COL11A2: variants seen among roughly 807,000 people sequenced by gnomAD.
COL11A2 encodes the protein collagen alpha-2(XI) chain.
A neutral mutation model predicts 273.4 loss-of-function variants in COL11A2; 116 were observed. The ratio of observed to expected loss-of-function variants is 0.42; its 90% CI spans 0.36 to 0.49. The LOEUF (loss-of-function observed/expected upper bound fraction) is 0.49, where lower values mean the gene tolerates loss of function less well. Among genes scored for constraint, COL11A2 ranks in the 20% least tolerant of loss-of-function variants. COL11A2 has a pLI of 0.00. For missense variants in COL11A2, 1,866 were observed against 2,309.0 expected (o/e 0.81, Z 3.93); for synonymous variants, 782 against 864.2 (o/e 0.90, Z 1.67).
rs2150588772 is a variant in COL11A2 at position 33,181,179 on chromosome 6, G to A, written c.1120-9C>T. ...CGGGGTCCATGGGCAGCCTGAAGGA[G>A]ACACACATGTAGCCCCCAGTGGGGC... is the stretch of plus-strand genomic sequence containing the variant. On this transcript the variant is annotated splice_polypyrimidine_tract_variant and intron_variant, in intron 8 of 65. Transcript: ENST00000341947. 1.9e-6 allele frequency: 3 copies of A among 1,614,144 alleles called. No individual in the cohort carries two copies. Among genetic ancestry groups the A allele is most frequent in the East Asian group, 4.5e-5 (2 of 44,878 alleles).
chr6:33,167,763 G>C lies in COL11A2; in HGVS notation c.4014+36C>G. The C allele has an allele frequency of 6.2e-7, 1 of 1,611,802 alleles. No individual in the cohort carries two copies. The highest frequency in any genetic ancestry group is 8.5e-7 in the Non-Finnish European group (1 of 1,179,334). On this transcript the variant is annotated intron_variant, in intron 55 of 65. Coordinates refer to ENST00000341947, the MANE Select transcript of COL11A2 (RefSeq NM_080680.3). This position sits in a 1 kb window ranked among gnomAD's most constrained non-coding sequence, Gnocchi z 6.1. ...AGGCATCTGAGGGGTGGGAGGCGGA[G>C]GGGATGCTCCAGCACTAGGGCAGCC...
At position 33,167,149 on chromosome 6, in the gene COL11A2, CT is replaced by C. The variant is rs1252890734; in HGVS notation, c.4177-27del. ...CTGTGGAGAGATGGGAAGTCATTCT[CT>C]TAAGGGAGAGGTGGGACCAAGTTCT... On this transcript the variant is annotated intron_variant, in intron 57 of 65. Transcript: ENST00000341947. The surrounding 1 kb of genome is among the most constrained non-coding windows in gnomAD (Gnocchi z 6.1). The C allele has an allele frequency of 6.2e-7, 1 of 1,614,134 alleles. No individual in the cohort carries two copies. The highest frequency in any genetic ancestry group is 8.5e-7 in the Non-Finnish European group (1 of 1,179,982).
In COL11A2 at chr6:33,173,575, G is replaced by C. The variant is rs1416270805; in HGVS notation, c.2629-20C>G. 1 of 1,047,194 alleles carries C rather than the reference G, an allele frequency of 9.5e-7. No individual in the cohort carries two copies. The highest frequency in any genetic ancestry group is 4.2e-5 in the East Asian group (1 of 23,952). 64.9% of individuals were successfully genotyped at this position (1,047,194 alleles called of 1,614,324 possible). A position where few individuals can be genotyped will look rare whatever the true frequency, so the allele number is the denominator to read the frequency against. ...GAGGCCCTAGAGACAGAGGTGGGGG[G>C]AGTCAGGAGAATGGGGGCAGGGGCT... On this transcript the variant is annotated intron_variant, in intron 35 of 65. Coordinates refer to ENST00000341947, the MANE Select transcript of COL11A2 (RefSeq NM_080680.3). This position sits in a 1 kb window ranked among gnomAD's most constrained non-coding sequence, Gnocchi z 6.3.
chr6:33,165,017 A>T lies in COL11A2; in HGVS notation c.4751-53T>A. ...GGGCCACCTAGGTCCAGGCTCCAAG[A>T]TGCTCTTTGCCCCCACATTCCCTCT... On this transcript the variant is annotated intron_variant, in intron 63 of 65. Transcript: ENST00000341947. This position sits in a 1 kb window ranked among gnomAD's most constrained non-coding sequence, Gnocchi z 7.7. The T allele has an allele frequency of 1.4e-6, 2 of 1,392,014 alleles. No homozygotes were observed. The highest frequency in any genetic ancestry group is 1.2e-5 in the South Asian group (1 of 80,572). 86.2% of individuals were successfully genotyped at this position (1,392,014 alleles called of 1,614,324 possible).
At position 33,164,151 on chromosome 6, in the gene COL11A2, C is replaced by T; in HGVS notation, c.5070+116G>A. 1 of 1,230,328 alleles carries T rather than the reference C, an allele frequency of 8.1e-7. No individual in the cohort carries two copies. The highest frequency in any genetic ancestry group is 1.1e-6 in the Non-Finnish European group (1 of 882,328). The allele number at this position is 1,230,328 out of a possible 1,614,324, so 76.2% of individuals were successfully genotyped here. A position where few individuals can be genotyped will look rare whatever the true frequency, so the allele number is the denominator to read the frequency against. On this transcript the variant is annotated intron_variant, in intron 65 of 65. Transcript: ENST00000341947. This position sits in a 1 kb window ranked among gnomAD's most constrained non-coding sequence, Gnocchi z 4.7. ...GCTCCCTCAGGCATCCCTGACAATC[C>T]AGCAGGACGGACTCCTCCCTGCTCC...
At chr6:33,171,898 CA>C in intron 41 of COL11A2, 78 bp from the exon 42 acceptor site, 1 of 1,560,322 alleles carries the variant, frequency 6.4e-7, no homozygotes, top group Non-Finnish European at 8.8e-7. Context: ...CCACAATTCC[CA>C]AAAGCTCCCA....
intron 8 of COL11A2, among the ~76,000 whole-genome samples, chr6:33,182,584 G>A (rs1287782140): frequency 1.3e-5 from 2 of 151,982 alleles, no homozygotes; most frequent in Non-Finnish European, 2.9e-5. Context: ...AGTGGCACAT[G>A]CCTGTAACCC....
Position 33,162,866 on chromosome 6 carries a change from G to A in COL11A2, c.*812C>T, listed in dbSNP as rs1768541734. ...CAATGAACATACTCAGTGGCTCAGG[G>A]CCATGGCAATTTACCAGCCAATATA... is the stretch of plus-strand genomic sequence containing the variant. On this transcript the variant is annotated 3_prime_UTR_variant, in exon 66 of 66. Transcript: ENST00000341947. This position sits in a 1 kb window ranked among gnomAD's most constrained non-coding sequence, Gnocchi z 4.9. The A allele has an allele frequency of 6.5e-6, 1 of 154,894 alleles. No homozygotes were observed. The highest frequency in any genetic ancestry group is 2.4e-5 in the African/African-American group (1 of 41,502). 9.6% of individuals were successfully genotyped at this position (154,894 alleles called of 1,614,324 possible).
In COL11A2 at chr6:33,171,424, C is replaced by T. The variant is rs371119086; in HGVS notation, c.3258+43G>A. 9 of 1,609,954 alleles carry T rather than the reference C, an allele frequency of 5.6e-6. No homozygotes were observed. In the East Asian group the frequency reaches 1.1e-4, roughly 20 times the overall value. ...GGGGTCATGCCCAGGTCAGCCATCTCATCTGGAAAGAAGATTGGTCGGGGT... is the reference window on the plus strand; with the variant it reads ...GGGGTCATGCCCAGGTCAGCCATCTTATCTGGAAAGAAGATTGGTCGGGGT... On this transcript the variant is annotated intron_variant, in intron 43 of 65. Coordinates refer to ENST00000341947, the MANE Select transcript of COL11A2 (RefSeq NM_080680.3).
chr6:33,168,537 TG>T lies in COL11A2; in HGVS notation c.3941del (p.Pro1314GlnfsTer31), dbSNP rs1223246567. On this transcript the variant is annotated frameshift_variant, in exon 54 of 66. Coordinates refer to ENST00000341947, the MANE Select transcript of COL11A2 (RefSeq NM_080680.3). LOFTEE classifies it high-confidence loss of function. ...CACTTACTCGCTTTCCAAGTGGCCC[TG>T]GGGGTCCATTCTCCCCGGTGGGACC... ...SPGPTGENGP[P>X]GPLGKRGPAG... 3 of 1,613,582 alleles carry T rather than the reference TG, an allele frequency of 1.9e-6. No individual in the cohort carries two copies. Among genetic ancestry groups the T allele is most frequent in the Non-Finnish European group, 2.5e-6 (3 of 1,179,910 alleles).
Position 33,189,375 on chromosome 6 carries a change from G to A in COL11A2, c.177C>T (p.Ala59=), listed in dbSNP as rs771659738. The A allele has an allele frequency of 3.1e-6, 5 of 1,613,214 alleles. No homozygotes were observed. The South Asian group carries it at 4.4e-5, about 14-fold the overall frequency. ...GCTGGGCAGGTCGTGCCACTCGGTA[G>A]GCCACATCAGCTGGACAGATGCCTT... ...RAKGICPADV[A]YRVARPAQLS... is the part of the protein sequence containing the mutation. The change falls in exon 2 of 66, where the codon GCC becomes GCT. Residue 59 remains alanine, a synonymous_variant. Transcript: ENST00000341947. This position sits in a 1 kb window ranked among gnomAD's most constrained non-coding sequence, Gnocchi z 5.6.
In COL11A2 at chr6:33,178,059, A is replaced by G; in HGVS notation, c.1872+73T>C. 6.9e-7 allele frequency: 1 copy of G among 1,442,832 alleles called. No homozygotes were observed. The highest frequency in any genetic ancestry group is 9.6e-7 in the Non-Finnish European group (1 of 1,042,422). The allele number at this position is 1,442,832 out of a possible 1,614,324, so 89.4% of individuals were successfully genotyped here. A position where few individuals can be genotyped will look rare whatever the true frequency, so the allele number is the denominator to read the frequency against. On this transcript the variant is annotated intron_variant, in intron 21 of 65. Coordinates refer to ENST00000341947, the MANE Select transcript of COL11A2 (RefSeq NM_080680.3). This position sits in a 1 kb window ranked among gnomAD's most constrained non-coding sequence, Gnocchi z 4.6. ...TGCCGAGAGAGGAGAGGGAGCAGGAAGGCAGCTAGAAAGGTGGAGAGTTGG... is the reference window on the plus strand; with the variant it reads ...TGCCGAGAGAGGAGAGGGAGCAGGAGGGCAGCTAGAAAGGTGGAGAGTTGG...
chr6:33,164,891 C>T lies in COL11A2; in HGVS notation c.4824G>A (p.Gly1608=), dbSNP rs1465151756. Residue 1608 remains glycine (G), a synonymous_variant, in exon 64 of 66, where the codon GGG becomes GGA. Coordinates refer to ENST00000341947, the MANE Select transcript of COL11A2 (RefSeq NM_080680.3). The surrounding 1 kb of genome is among the most constrained non-coding windows in gnomAD (Gnocchi z 4.7). The part of the protein sequence containing the change: ...AFRVFCNFTA[G]GETCVTPRDD... ...CCCTAGGCGTCACACAGGTCTCACC[C>T]CCTGCTGTGAAGTTGCAGAAAACTC... The T allele has an allele frequency of 6.4e-7, 1 of 1,574,690 alleles. No individual in the cohort carries two copies. The highest frequency in any genetic ancestry group is 8.6e-7 in the Non-Finnish European group (1 of 1,158,770).
In COL11A2 at chr6:33,192,309, G is replaced by T; in HGVS notation, c.-69C>A. On this transcript the variant is annotated 5_prime_UTR_variant, in exon 1 of 66. Transcript: ENST00000341947. ...CTGAGACGCTGGATGCCCTGAGGCT[G>T]ACAGAAGACAGGGAGCAGACTATGA... The T allele has an allele frequency of 7.1e-7, 1 of 1,417,632 alleles. No homozygotes were observed. The highest frequency in any genetic ancestry group is 9.7e-7 in the Non-Finnish European group (1 of 1,030,410). The allele number at this position is 1,417,632 out of a possible 1,614,324, so 87.8% of individuals were successfully genotyped here.
intron 4 of COL11A2, among the ~76,000 whole-genome samples, chr6:33,187,976 C>A (rs1355310141): frequency 6.6e-6 from 1 of 151,678 alleles, no homozygotes; most frequent in African/African-American, 2.4e-5. Flanking sequence ...TGGATATAAG[C>A]CTTCATGCAT....
At chr6:33,172,209 G>A in intron 40 of COL11A2, 80 bp downstream of exon 40, 1 of 1,570,916 alleles carries the variant, frequency 6.4e-7, no homozygotes, top group Non-Finnish European at 8.8e-7. Context: ...GTGACATGGA[G>A]GGGGTCAGGG....
At position 33,169,679 on chromosome 6, in the gene COL11A2, T is replaced by C. The variant is rs1583303778; in HGVS notation, c.3690+152A>G. On this transcript the variant is annotated intron_variant, in intron 50 of 65. Transcript: ENST00000341947. This position sits in a 1 kb window ranked among gnomAD's most constrained non-coding sequence, Gnocchi z 5.5. ...TCAAGAAAGGGGAAGAAGGGCTCAC[T>C]CAGACCAGGGATCAGGCCTCATAGA... 8.8e-7 allele frequency: 1 copy of C among 1,142,156 alleles called. No individual in the cohort carries two copies. Among genetic ancestry groups the C allele is most frequent in the African/African-American group, 1.5e-5 (1 of 65,592 alleles). The allele number at this position is 1,142,156 out of a possible 1,614,324, so 70.8% of individuals were successfully genotyped here.
Position 33,176,224 on chromosome 6 carries a change from C to A in COL11A2, c.2214+35G>T, listed in dbSNP as rs1323540852. The A allele has an allele frequency of 1.2e-6, 2 of 1,609,354 alleles. No homozygotes were observed. The highest frequency in any genetic ancestry group is 1.7e-5 in the Admixed American group (1 of 59,254). ...GCAGTGAAGAGAGGAGATGGCAGGA[C>A]TGAGGTGCTGGGAAGCTGGGGGCAT... On this transcript the variant is annotated intron_variant, in intron 28 of 65. Coordinates refer to ENST00000341947, the MANE Select transcript of COL11A2 (RefSeq NM_080680.3). This position sits in a 1 kb window ranked among gnomAD's most constrained non-coding sequence, Gnocchi z 4.9.
Position 33,166,418 on chromosome 6 carries a change from G to T in COL11A2, c.4392+95C>A, listed in dbSNP as rs981565573. 3 of 1,456,418 alleles carry T rather than the reference G, an allele frequency of 2.1e-6. No homozygotes were observed. The highest frequency in any genetic ancestry group is 2.8e-6 in the Non-Finnish European group (3 of 1,056,678). 90.2% of individuals were successfully genotyped at this position (1,456,418 alleles called of 1,614,324 possible). A position where few individuals can be genotyped will look rare whatever the true frequency, so the allele number is the denominator to read the frequency against. ...ATGGGGGACCCTGAGGACTATGCTT[G>T]TTAGGCTGGTAGTTCCATGGAAGTC... On this transcript the variant is annotated intron_variant, in intron 60 of 65. Transcript: ENST00000341947. The surrounding 1 kb of genome is among the most constrained non-coding windows in gnomAD (Gnocchi z 4.8).
Sources: gnomAD v4.1 joint callset for allele counts (sites outside exome capture counted in the v4.1 genomes callset) on GRCh38, gnomAD v4.1.1 for gene constraint, Gnocchi (gnomAD v3.1) non-coding constraint, MANE v1.5 for transcripts, NCBI Gene and HGNC (gene_info 2026-07-23, HGNC 2026-07-21) for gene names.